Variants in KLRG1 observed in about 807,000 individuals in gnomAD.
KLRG1 encodes killer cell lectin-like receptor subfamily G member 1.
KLRG1 carries 16 observed loss-of-function variants against 21.8 expected under a neutral mutation model. The ratio of observed to expected loss-of-function variants is 0.73; its 90% CI spans 0.50 to 1.11. The LOEUF is 1.11. KLRG1 is among the 50% of genes most tolerant of loss of function. The pLI, the probability that KLRG1 is intolerant of heterozygous loss-of-function variation, is 0.00. For synonymous variants in KLRG1, 69 were observed against 75.9 expected (o/e 0.91, Z 0.47); for missense variants, 173 against 218.3 (o/e 0.79, Z 1.31).
chr12:9,149,081 G>A, the KLRG1 span: 2 of 1,247,802 alleles, frequency 1.6e-6, no homozygotes, highest in Admixed American at 1.8e-5. Flanking sequence ...AGCTTATGCA[G>A]GGTCAGGAAA....
chr12:8,981,012 C>T (rs2137288702), intron 1 of KLRG1, among the ~76,000 whole-genome samples: 1 of 152,304 alleles, frequency 6.6e-6, no homozygotes, highest in Middle Eastern at 3.4e-3. Flanking sequence ...TGACCATCCT[C>T]AGTTTTTCTG....
chr12:9,037,419 T>G, the KLRG1 span, among the ~76,000 whole-genome samples: 1 of 152,160 alleles, frequency 6.6e-6, no homozygotes, highest in African/African-American at 2.4e-5. Context: ...TGGTTATGTA[T>G]CTAGTTACCA....
chr12:9,085,061 T>C, the KLRG1 span, among the ~76,000 whole-genome samples: 1 of 152,134 alleles, frequency 6.6e-6, no homozygotes, highest in Admixed American at 6.5e-5. Flanking sequence ...GGGAGAGATA[T>C]GTTGCAATGC....
chr12:9,022,164 A>G, the KLRG1 span, among the ~76,000 whole-genome samples: 1 of 152,194 alleles, frequency 6.6e-6, no homozygotes, highest in Admixed American at 6.5e-5. Context: ...TATACTAAAT[A>G]CATAAACAAT....
At chr12:9,129,931 A>G in the KLRG1 span, among the ~76,000 whole-genome samples, 1 of 152,194 alleles carries the variant, frequency 6.6e-6, no homozygotes, top group Non-Finnish European at 1.5e-5. Flanking sequence ...TATATCTTGC[A>G]AATCTGAAAC....
chr12:9,074,898 A>G, the KLRG1 span: 2 of 1,097,732 alleles, frequency 1.8e-6, no homozygotes, highest in South Asian at 1.6e-5. Flanking sequence ...AATCCCCTGT[A>G]CTGTATGTAG....
chr12:8,953,047 A>AC (rs34775195), intron 1 of KLRG1, among the ~76,000 whole-genome samples: 319 of 146,328 alleles, frequency 2.2e-3, no homozygotes, highest in African/African-American at 7.4e-3. Flanking sequence ...AGCTAGTGAC[A>AC]CCCCCCCCCC....
chr12:9,095,450 G>T, the KLRG1 span: 1 of 1,278,108 alleles, frequency 7.8e-7, no homozygotes, highest in Non-Finnish European at 1.1e-6. Context: ...CCTCAACTAG[G>T]ACATGAAGGC....
At chr12:9,178,890 T>C in the KLRG1 span, among the ~76,000 whole-genome samples, 3 of 152,102 alleles carry the variant, frequency 2.0e-5, no homozygotes, top group African/African-American at 7.3e-5. Context: ...GACAGGGGTC[T>C]CAGATATAGT....
the KLRG1 span, chr12:9,203,957 A>T: frequency 6.2e-7 from 1 of 1,603,486 alleles, no homozygotes; most frequent in Non-Finnish European, 8.5e-7. Context: ...ACTGCCTGGG[A>T]AAGGAAGAAG....
At chr12:9,087,976 TA>T in the KLRG1 span, among the ~76,000 whole-genome samples, 2 of 152,244 alleles carry the variant, frequency 1.3e-5, no homozygotes, top group South Asian at 4.1e-4. Context: ...ATAGGAAGAC[TA>T]AAACACTAAG....
the KLRG1 span, among the ~76,000 whole-genome samples, chr12:9,171,473 C>T: frequency 1.3e-5 from 2 of 152,186 alleles, no homozygotes; most frequent in Non-Finnish European, 2.9e-5. Context: ...ACTGTGACAC[C>T]TCACCAGCAA....
the KLRG1 span, among the ~76,000 whole-genome samples, chr12:9,146,332 G>T: frequency 6.6e-6 from 1 of 151,456 alleles, no homozygotes; most frequent in African/African-American, 2.4e-5. Context: ...GAATTTTTAA[G>T]TTACTGTGTT....
chr12:9,142,548 T>G, the KLRG1 span, among the ~76,000 whole-genome samples: 1 of 152,242 alleles, frequency 6.6e-6, no homozygotes, highest in South Asian at 2.1e-4. Context: ...CTTTTACTTT[T>G]CCTCTAAAAA....
chr12:9,139,857 G>T, the KLRG1 span, among the ~76,000 whole-genome samples: 1 of 152,164 alleles, frequency 6.6e-6, no homozygotes, highest in East Asian at 1.9e-4. Context: ...CCAATTTTTG[G>T]TCAGGACCAC....
chr12:8,952,680 G>A (rs1224909533), intron 1 of KLRG1, among the ~76,000 whole-genome samples: 1 of 152,124 alleles, frequency 6.6e-6, no homozygotes, highest in African/African-American at 2.4e-5. Context: ...TGAACAGGTT[G>A]AGAGTAAACT....
chr12:9,195,736 G>A, the KLRG1 span, among the ~76,000 whole-genome samples: 308 of 148,220 alleles, frequency 2.1e-3, 2 homozygotes, highest in African/African-American at 7.3e-3. Flanking sequence ...TTATAAGCAT[G>A]AGCCACTATG....
At chr12:9,053,669 C>T in the KLRG1 span, among the ~76,000 whole-genome samples, 1 of 152,198 alleles carries the variant, frequency 6.6e-6, no homozygotes, top group African/African-American at 2.4e-5. Context: ...AGCACTAGGT[C>T]AGCCTGTGCT....
chr12:9,045,298 T>C, the KLRG1 span, among the ~76,000 whole-genome samples: 2 of 152,070 alleles, frequency 1.3e-5, no homozygotes, highest in African/African-American at 2.4e-5. Context: ...TAGATCCTAT[T>C]TAAGAAGTCT....
Sources: gnomAD v4.1 joint callset for allele counts (sites outside exome capture counted in the v4.1 genomes callset) on GRCh38, gnomAD v4.1.1 for gene constraint, MANE v1.5 for transcripts, NCBI Gene and HGNC (gene_info 2026-07-23, HGNC 2026-07-21) for gene names.